The following DPYD variants were observed in gnomAD, a reference collection of about 807,000 sequenced individuals.
DPYD encodes the protein dihydropyrimidine dehydrogenase [NADP(+)].
In DPYD, 109 loss-of-function variants were observed where a neutral mutation model predicts 116.2. That is an observed-to-expected ratio of 0.94 (90% CI 0.80 to 1.10). DPYD has a LOEUF of 1.10. DPYD is among the 50% of genes least tolerant of loss of function. DPYD has a pLI of 0.00. For synonymous variants in DPYD, 440 were observed against 432.0 expected, an observed-to-expected ratio of 1.02 and a Z score of -0.23; for missense variants, 1,302 against 1,254.5, an observed-to-expected ratio of 1.04 and a Z score of -0.57.
At chr1:97,838,871 A>T (rs11165917) in intron 2 of DPYD, among the ~76,000 whole-genome samples, 29,119 of 151,736 alleles carry the variant, frequency 0.19, 3,418 homozygotes, top group Admixed American at 0.28. Context: ...AATAAATAAA[A>T]AAATAAAAGA....
chr1:97,865,675 C>A (rs1671340725), intron 2 of DPYD, among the ~76,000 whole-genome samples: 1 of 151,562 alleles, frequency 6.6e-6, no homozygotes, highest in African/African-American at 2.4e-5. Context: ...AGATCAATAA[C>A]AATTATGTGC....
chr1:97,141,010 A>G (rs1654176631), intron 20 of DPYD, among the ~76,000 whole-genome samples: 1 of 152,122 alleles, frequency 6.6e-6, no homozygotes, highest in African/African-American at 2.4e-5. Context: ...TCATACGTCT[A>G]ATAGATCTGT....
intron 3 of DPYD, among the ~76,000 whole-genome samples, chr1:97,806,406 A>G (rs534024255): frequency 6.6e-6 from 1 of 152,010 alleles, no homozygotes; most frequent in South Asian, 2.1e-4. Context: ...CTGATGACTA[A>G]TGATGTTGAG....
intron 13 of DPYD, among the ~76,000 whole-genome samples, chr1:97,513,071 A>G (rs1570873745): frequency 6.6e-6 from 1 of 151,740 alleles, no homozygotes; most frequent in East Asian, 1.9e-4. Context: ...GAATAATAAT[A>G]TTTCTGTTTA....
chr1:97,110,985 TAG>T (rs1651553197), intron 20 of DPYD, among the ~76,000 whole-genome samples: 2 of 150,480 alleles, frequency 1.3e-5, no homozygotes, highest in South Asian at 4.2e-4. Flanking sequence ...CTGGGCAACA[TAG>T]AGAGACCCCA....
chr1:97,772,038 C>T (rs913201525), intron 3 of DPYD, among the ~76,000 whole-genome samples: 7 of 152,034 alleles, frequency 4.6e-5, no homozygotes, highest in Admixed American at 4.6e-4. Context: ...TCATATTATA[C>T]AAAAATAAAA....
chr1:97,541,095 A>AAG (rs1650420231), intron 12 of DPYD, among the ~76,000 whole-genome samples: 2 of 152,130 alleles, frequency 1.3e-5, no homozygotes, highest in South Asian at 4.1e-4. Context: ...TTTCCTCCCT[A>AAG]AGAGACACAA....
chr1:97,082,545 T>G, intron 21 of DPYD, 75 bp from the exon 22 acceptor site: 1 of 1,545,682 alleles, frequency 6.5e-7, no homozygotes, highest in South Asian at 1.1e-5. Context: ...TCACTCAGCA[T>G]TTTCCTGTTT....
At chr1:97,774,052 C>T (rs1453254101) in intron 3 of DPYD, among the ~76,000 whole-genome samples, 1 of 152,186 alleles carries the variant, frequency 6.6e-6, no homozygotes, top group Non-Finnish European at 1.5e-5. Flanking sequence ...ACACCCAACC[C>T]TAGATGCTGC....
chr1:97,741,936 A>C (rs1436183751), intron 3 of DPYD, among the ~76,000 whole-genome samples: 1 of 152,164 alleles, frequency 6.6e-6, no homozygotes, highest in African/African-American at 2.4e-5. Flanking sequence ...AGCAAATGAC[A>C]GTGGGATTCT....
chr1:97,650,275 C>A (rs1438707582), intron 8 of DPYD, among the ~76,000 whole-genome samples: 3 of 152,150 alleles, frequency 2.0e-5, no homozygotes, highest in Non-Finnish European at 4.4e-5. Flanking sequence ...AAGTGCAGCT[C>A]TTTCCCTGGC....
chr1:97,782,666 T>TG (rs1399175776), intron 3 of DPYD, among the ~76,000 whole-genome samples: 1 of 152,226 alleles, frequency 6.6e-6, no homozygotes, highest in Non-Finnish European at 1.5e-5. Context: ...GACCAGTGAA[T>TG]GAAAAACAAC....
At chr1:97,390,044 A>T (rs754056714) in intron 14 of DPYD, among the ~76,000 whole-genome samples, 2 of 152,102 alleles carry the variant, frequency 1.3e-5, no homozygotes, top group African/African-American at 4.8e-5. Flanking sequence ...TTACACATTA[A>T]AAATTAAGGT....
chr1:97,338,207 T>C (rs1669403195), intron 16 of DPYD, among the ~76,000 whole-genome samples: 1 of 151,982 alleles, frequency 6.6e-6, no homozygotes, highest in Non-Finnish European at 1.5e-5. Flanking sequence ...CTAAGCAAAA[T>C]AAAGGTGAAA....
intron 2 of DPYD, among the ~76,000 whole-genome samples, chr1:97,861,813 T>G (rs1009983470): frequency 6.6e-6 from 1 of 152,008 alleles, no homozygotes; most frequent in Non-Finnish European, 1.5e-5. Flanking sequence ...GGATTAAGAT[T>G]ATTTCTAAAA....
Position 97,237,626 on chromosome 1 carries a change from A to AAC in DPYD, c.2300-2634_2300-2633dup, listed in dbSNP as rs1455644200. 3.9e-5 allele frequency among the ~76,000 whole-genome samples: 6 copies of AAC among 152,336 alleles called. No homozygotes were observed. In the East Asian group the frequency reaches 7.7e-4, roughly 20 times the overall value. ...ACAGAATTTATAGTGAGAATACAAA[A>AAC]ACACACATATATATACACATATCTT... is the stretch of plus-strand genomic sequence containing the variant. On this transcript the variant is annotated intron_variant, in intron 18 of 22. Coordinates refer to ENST00000370192, the MANE Select transcript of DPYD (RefSeq NM_000110.4).
chr1:97,085,087 C>T (rs571453996), intron 21 of DPYD, among the ~76,000 whole-genome samples: 1 of 152,074 alleles, frequency 6.6e-6, no homozygotes, highest in East Asian at 1.9e-4. Context: ...TTTCCCAGTA[C>T]TATTTTAAAA....
chr1:97,510,422 G>A (rs1357399246), intron 13 of DPYD, among the ~76,000 whole-genome samples: 2 of 151,932 alleles, frequency 1.3e-5, no homozygotes, highest in East Asian at 1.9e-4. Flanking sequence ...TAGAAAACAT[G>A]TCTTTCTATA....
rs71071641 is a variant in DPYD, at chr1:97,264,162, G to GTTTTT, written c.2300-29173_2300-29169dup. Among the ~76,000 whole-genome samples the GTTTTT allele has an allele frequency of 5.7e-4, 34 of 60,074 alleles. 2 individuals carry two copies. Among genetic ancestry groups the GTTTTT allele is most frequent in the Admixed American group, 1.1e-3 (4 of 3,674 alleles). The allele number at this position is 60,074 out of a possible 152,430, so 39.4% of individuals were successfully genotyped here. A position where few individuals can be genotyped will look rare whatever the true frequency, so the allele number is the denominator to read the frequency against. On this transcript the variant is annotated intron_variant, in intron 18 of 22. Coordinates refer to ENST00000370192, the MANE Select transcript of DPYD (RefSeq NM_000110.4). ...TTCTGAATCTTAATAGCAAAATTCT[G>GTTTTT]TTTTTTTTTTTTTTTTTTTTTTTTT...
Sources: gnomAD v4.1 joint callset for allele counts (sites outside exome capture counted in the v4.1 genomes callset) on GRCh38, gnomAD v4.1.1 for gene constraint, MANE v1.5 for transcripts, NCBI Gene and HGNC (gene_info 2026-07-23, HGNC 2026-07-21) for gene names.